Variants in NBAS observed in about 807,000 individuals in gnomAD.
NBAS encodes the protein NAG/BC035112 fusion.
NBAS carries 219 observed loss-of-function variants against 302.5 expected under a neutral mutation model. The observed-to-expected ratio is 0.72, with a 90% confidence interval of 0.65 to 0.81. The LOEUF is 0.81. NBAS is among the 30% of genes least tolerant of loss of function. NBAS has a pLI of 0.00. For missense variants in NBAS, 2,932 were observed against 2,841.6 expected (o/e 1.03, Z -0.72); for synonymous variants, 1,118 against 1,021.6 (o/e 1.09, Z -1.80).
At chr2:15,034,063 G>T in the NBAS span, among the ~76,000 whole-genome samples, 1 of 86,908 alleles carries the variant, frequency 1.2e-5, no homozygotes, top group East Asian at 5.8e-4. Context: ...AGGAGGAGGA[G>T]GGGAAGGAGA....
chr2:15,052,972 G>A, the NBAS span, among the ~76,000 whole-genome samples: 13 of 152,076 alleles, frequency 8.5e-5, no homozygotes, highest in Non-Finnish European at 1.6e-4. Flanking sequence ...GGAGAGAAAG[G>A]AAAAACAAAT....
the NBAS span, among the ~76,000 whole-genome samples, chr2:15,137,730 C>A: frequency 6.6e-6 from 1 of 152,020 alleles, no homozygotes; most frequent in Non-Finnish European, 1.5e-5. Context: ...ACTTCTGTAC[C>A]CCTGAGAGGC....
At chr2:15,131,459 A>G in the NBAS span, among the ~76,000 whole-genome samples, 1 of 152,146 alleles carries the variant, frequency 6.6e-6, no homozygotes, top group Non-Finnish European at 1.5e-5. Flanking sequence ...TCACTCTCTG[A>G]GCCTTAATTT....
chr2:15,023,049 C>T, the NBAS span, among the ~76,000 whole-genome samples: 1 of 151,904 alleles, frequency 6.6e-6, no homozygotes, highest in African/African-American at 2.4e-5. Context: ...TCCTCATCTG[C>T]ACCCATTATT....
At chr2:15,468,849 C>T (rs980829264) in intron 16 of NBAS, among the ~76,000 whole-genome samples, 2 of 152,122 alleles carry the variant, frequency 1.3e-5, no homozygotes, top group African/African-American at 4.8e-5. Flanking sequence ...TGGTTTGCAC[C>T]GTGGCTGTAT....
At chr2:15,116,783 T>C in the NBAS span, among the ~76,000 whole-genome samples, 1 of 152,332 alleles carries the variant, frequency 6.6e-6, no homozygotes, top group Non-Finnish European at 1.5e-5. Context: ...TGGAAACGTC[T>C]CAGGATCTTT....
rs113934790 is a variant in NBAS, at chr2:15,256,293, T to TTTA, written c.5725-17610_5725-17608dup. ...CCTCCTTGCTTATATTCCTAAGTAT[T>TTTA]TTATTATTATTATTATTATTTGCAG... On this transcript the variant is annotated intron_variant, in intron 44 of 51. Transcript: ENST00000281513. Among the ~76,000 whole-genome samples, 156 of 151,782 alleles carry TTTA rather than the reference T, an allele frequency of 1.0e-3. 1 individual carries two copies. In the South Asian group the frequency reaches 0.018, roughly 18 times the overall value.
the NBAS span, among the ~76,000 whole-genome samples, chr2:15,053,114 T>G: frequency 4.6e-5 from 7 of 152,228 alleles, no homozygotes; most frequent in Non-Finnish European, 8.8e-5. Context: ...GTCAATAGTT[T>G]ACAGTAAGCC....
chr2:14,980,781 G>A, the NBAS span, among the ~76,000 whole-genome samples: 1 of 152,140 alleles, frequency 6.6e-6, no homozygotes, highest in Non-Finnish European at 1.5e-5. Context: ...AAAAATAGCT[G>A]TTTAAAAATA....
chr2:15,220,024 C>T (rs1378185659), intron 47 of NBAS, among the ~76,000 whole-genome samples: 6 of 137,450 alleles, frequency 4.4e-5, no homozygotes, highest in Admixed American at 2.2e-4. Context: ...GCTGGCCAGG[C>T]GGGGGGCTGA....
chr2:15,340,939 A>C (rs1011936755), intron 35 of NBAS, among the ~76,000 whole-genome samples: 1 of 152,204 alleles, frequency 6.6e-6, no homozygotes, highest in Admixed American at 6.6e-5. Context: ...TGACGAAAGA[A>C]GGCCCCATGG....
At position 15,337,385 on chromosome 2, in the gene NBAS, T is replaced by A. The variant is rs529196423; in HGVS notation, c.4180-6620A>T. On this transcript the variant is annotated intron_variant, in intron 35 of 51. Coordinates refer to ENST00000281513, the MANE Select transcript of NBAS (RefSeq NM_015909.4). ...TGCTCGGGAGATGAGTGCACCAAAA[T>A]CTCACAAATCACCACTAAAGAACTT... 1.5e-3 allele frequency among the ~76,000 whole-genome samples: 222 copies of A among 151,240 alleles called. 2 individuals carry two copies. Among genetic ancestry groups the A allele is most frequent in the Admixed American group, 8.2e-3 (125 of 15,162 alleles).
chr2:15,235,252 T>TA (rs1278623615), intron 45 of NBAS, among the ~76,000 whole-genome samples: 1 of 152,134 alleles, frequency 6.6e-6, no homozygotes, highest in Admixed American at 6.5e-5. Flanking sequence ...CTGCATGTTA[T>TA]AAAAAAGGAA....
At chr2:15,230,834 GGTAA>G (rs1430919728) in intron 47 of NBAS, among the ~76,000 whole-genome samples, 2 of 152,150 alleles carry the variant, frequency 1.3e-5, no homozygotes, top group African/African-American at 4.8e-5. Context: ...CTGGAAGGAG[GGTAA>G]GTGTTTCCCA....
At chr2:15,167,636 G>A (rs1450835340) in intron 51 of NBAS, among the ~76,000 whole-genome samples, 4 of 152,170 alleles carry the variant, frequency 2.6e-5, no homozygotes, top group Non-Finnish European at 5.9e-5. Flanking sequence ...CCCCGTGACT[G>A]GCACTTTTAC....
intron 48 of NBAS, among the ~76,000 whole-genome samples, chr2:15,194,886 C>A (rs933718570): frequency 1.3e-5 from 2 of 151,978 alleles, no homozygotes; most frequent in Non-Finnish European, 2.9e-5. Context: ...AAAGAAATAA[C>A]AGAGACATAA....
At chr2:15,041,098 C>G in the NBAS span, among the ~76,000 whole-genome samples, 1 of 152,218 alleles carries the variant, frequency 6.6e-6, no homozygotes, top group East Asian at 1.9e-4. Flanking sequence ...CACAAGGTTA[C>G]TCTCTATTCC....
the NBAS span, among the ~76,000 whole-genome samples, chr2:15,029,908 A>G: frequency 3.3e-5 from 5 of 152,228 alleles, no homozygotes; most frequent in Admixed American, 2.0e-4. Context: ...GGTGCTTTCA[A>G]CACAGACTCT....
intron 28 of NBAS, among the ~76,000 whole-genome samples, chr2:15,390,734 T>A (rs979323286): frequency 6.6e-6 from 1 of 152,144 alleles, no homozygotes; most frequent in African/African-American, 2.4e-5. Flanking sequence ...AAAATAAGAC[T>A]TAATTTTTTA....
Sources: gnomAD v4.1 joint callset for allele counts (sites outside exome capture counted in the v4.1 genomes callset) on GRCh38, gnomAD v4.1.1 for gene constraint, MANE v1.5 for transcripts, NCBI Gene and HGNC (gene_info 2026-07-23, HGNC 2026-07-21) for gene names.